The following CDH4 variants were observed in gnomAD, a reference collection of about 807,000 sequenced individuals.
CDH4 encodes cadherin-4.
CDH4 carries 33 observed loss-of-function variants against 86.0 expected under a neutral mutation model. That is an observed-to-expected ratio of 0.38 (90% CI 0.29 to 0.51). The LOEUF (loss-of-function observed/expected upper bound fraction) is 0.51, where lower values mean the gene tolerates loss of function less well. CDH4 is among the 20% of genes least tolerant of loss of function. The pLI is 0.86. For synonymous variants in CDH4, 555 were observed against 549.4 expected, an observed-to-expected ratio of 1.01 and a Z score of -0.14; for missense variants, 1,114 against 1,307.4, an observed-to-expected ratio of 0.85 and a Z score of 2.28.
intron 2 of CDH4, among the ~76,000 whole-genome samples, chr20:61,424,306 TC>T (rs371644785): frequency 1.1e-4 from 16 of 150,564 alleles, no homozygotes; most frequent in Admixed American, 3.3e-4. Flanking sequence ...CACACTCATA[TC>T]CACACACATC....
At chr20:61,577,365 GTTGAAGGATGAGTGGATGTTTGTATA>G (rs2086389981) in intron 2 of CDH4, among the ~76,000 whole-genome samples, 1 of 151,644 alleles carries the variant, frequency 6.6e-6, no homozygotes, top group South Asian at 2.1e-4. Context: ...TGTTTTGTGT[GTTGAAGGATGAGTGGATGTTTGTATA>G]TTGAAGGATG....
chr20:61,706,054 G>A (rs2087825945), intron 2 of CDH4, among the ~76,000 whole-genome samples: 1 of 152,222 alleles, frequency 6.6e-6, no homozygotes, highest in Admixed American at 6.5e-5. Flanking sequence ...TCCAGACAGA[G>A]AGCAAGCCGT....
chr20:61,907,911 G>A (rs2054808553), intron 8 of CDH4, among the ~76,000 whole-genome samples: 2 of 152,136 alleles, frequency 1.3e-5, no homozygotes, highest in East Asian at 3.9e-4. Context: ...AAGGGCTCCT[G>A]CTCCACAGAC....
chr20:61,383,262 GTGATATATATGAATATA>G lies in CDH4; in HGVS notation c.169+128345_169+128361del, dbSNP rs1568822347. On this transcript the variant is annotated intron_variant, in intron 2 of 15. Coordinates refer to ENST00000614565, the MANE Select transcript of CDH4 (RefSeq NM_001794.5). ...TATATATGATTATATATGAATATAT[GTGATATATATGAATATA>G]TGATATATATGAATATATGTGATAT... Among the ~76,000 whole-genome samples the G allele has an allele frequency of 1.3e-3, 41 of 32,516 alleles. 5 individuals carry two copies. The highest frequency in any genetic ancestry group is 3.5e-3 in the African/African-American group (28 of 7,926). 21.3% of individuals were successfully genotyped at this position (32,516 alleles called of 152,430 possible).
intron 2 of CDH4, among the ~76,000 whole-genome samples, chr20:61,680,670 C>T (rs899258665): frequency 1.3e-5 from 2 of 152,126 alleles, no homozygotes; most frequent in African/African-American, 2.4e-5. Flanking sequence ...TTCAGAGCTT[C>T]GGTAGTCATG....
chr20:61,580,673 T>C (rs918679270), intron 2 of CDH4, among the ~76,000 whole-genome samples: 1 of 152,140 alleles, frequency 6.6e-6, no homozygotes, highest in African/African-American at 2.4e-5. Flanking sequence ...TGACTCCTGC[T>C]GGCTGAAGCA....
chr20:61,815,498 G>A (rs750314342), intron 4 of CDH4, among the ~76,000 whole-genome samples: 8 of 152,140 alleles, frequency 5.3e-5, no homozygotes, highest in South Asian at 2.1e-4. Context: ...GGGAGGCTCC[G>A]GGAGACAGGA....
rs949133108 is a variant in CDH4, at chr20:61,873,671, G to C, written c.878-57G>C. ...CGGGGGGCTCTGCCCAGGTGTGTGC[G>C]GGGGTGGCAGCCTGTGTGGCAGGCC... On this transcript the variant is annotated intron_variant, in intron 6 of 15. Coordinates refer to ENST00000614565, the MANE Select transcript of CDH4 (RefSeq NM_001794.5). The C allele has an allele frequency of 1.6e-5, 25 of 1,567,936 alleles. No homozygotes were observed. In the Admixed American group the frequency reaches 3.1e-4, roughly 19 times the overall value.
At chr20:61,840,200 G>A (rs1982097872) in intron 4 of CDH4, among the ~76,000 whole-genome samples, 2 of 152,160 alleles carry the variant, frequency 1.3e-5, no homozygotes, top group African/African-American at 2.4e-5. Context: ...CTTCCCGACC[G>A]TGCACGTGCA....
intron 2 of CDH4, among the ~76,000 whole-genome samples, chr20:61,671,079 T>C (rs577507039): frequency 6.6e-6 from 1 of 152,144 alleles, no homozygotes; most frequent in South Asian, 2.1e-4. Flanking sequence ...GATAGGTAGA[T>C]GGAGGGATGG....
At chr20:61,837,399 G>A (rs539341617) in intron 4 of CDH4, among the ~76,000 whole-genome samples, 7 of 152,262 alleles carry the variant, frequency 4.6e-5, no homozygotes, top group Non-Finnish European at 7.4e-5. Context: ...AGTATGATGC[G>A]GAAACAGGAG....
At chr20:61,312,753 C>G (rs34286429) in intron 2 of CDH4, among the ~76,000 whole-genome samples, 1 of 152,108 alleles carries the variant, frequency 6.6e-6, no homozygotes, top group Non-Finnish European at 1.5e-5. Flanking sequence ...TTTTGTGCAG[C>G]GTATGATGAC....
At chr20:61,343,649 C>T (rs1486405712) in intron 2 of CDH4, among the ~76,000 whole-genome samples, 3 of 152,192 alleles carry the variant, frequency 2.0e-5, no homozygotes, top group Non-Finnish European at 4.4e-5. Flanking sequence ...TCAGTGGCTT[C>T]CAAAAAGGCT....
At chr20:61,316,508 T>G (rs2084476901) in intron 2 of CDH4, among the ~76,000 whole-genome samples, 1 of 152,228 alleles carries the variant, frequency 6.6e-6, no homozygotes. Flanking sequence ...CAGCTCCCTC[T>G]TATCAGGTTT....
At chr20:61,561,830 A>G (rs538740140) in intron 2 of CDH4, among the ~76,000 whole-genome samples, 2 of 152,376 alleles carry the variant, frequency 1.3e-5, no homozygotes, top group East Asian at 3.9e-4. Context: ...ACAACCCACA[A>G]AGGTTTATAG....
intron 2 of CDH4, among the ~76,000 whole-genome samples, chr20:61,505,989 T>C (rs2085738601): frequency 6.6e-6 from 1 of 152,238 alleles, no homozygotes; most frequent in Non-Finnish European, 1.5e-5. Flanking sequence ...TACGAAAACA[T>C]GGTGGCTGAA....
intron 2 of CDH4, among the ~76,000 whole-genome samples, chr20:61,555,507 G>A (rs1046323350): frequency 1.3e-5 from 2 of 152,276 alleles, no homozygotes; most frequent in Non-Finnish European, 2.9e-5. Flanking sequence ...TCTCCAGCCC[G>A]GTCCATTTGC....
intron 2 of CDH4, among the ~76,000 whole-genome samples, chr20:61,403,757 A>G (rs1369953051): frequency 1.3e-5 from 2 of 151,722 alleles, no homozygotes; most frequent in East Asian, 1.9e-4. Context: ...GCACGGGACA[A>G]TTTTTTTTGG....
At chr20:61,805,674 T>C (rs1980086276) in intron 4 of CDH4, among the ~76,000 whole-genome samples, 1 of 152,108 alleles carries the variant, frequency 6.6e-6, no homozygotes, top group Non-Finnish European at 1.5e-5. Flanking sequence ...CAGAGGTATG[T>C]TTAAAACTCC....
Sources: allele counts gnomAD v4.1 joint callset (sites outside exome capture counted in the v4.1 genomes callset), GRCh38; gene constraint gnomAD v4.1.1; transcripts MANE v1.5; gene names NCBI Gene and HGNC (gene_info 2026-07-23, HGNC 2026-07-21).